FRS3: variants seen among roughly 807,000 people sequenced by gnomAD.
The protein encoded by FRS3 is FGFR substrate 3.
Under a neutral mutation model 41.9 loss-of-function variants are expected in FRS3, and 17 were observed. The observed-to-expected ratio is 0.41, with a 90% CI of 0.28 to 0.61. The LOEUF is 0.61. Ranked by LOEUF, FRS3 falls within the 20% of genes least tolerant of loss-of-function variation. The pLI is 0.36. For missense variants in FRS3, 619 were observed against 672.1 expected (o/e 0.92, Z 0.87); for synonymous variants, 287 against 274.5 (o/e 1.05, Z -0.45).
At chr6:41,779,474 T>C (rs1049312790) in intron 1 of FRS3, among the ~76,000 whole-genome samples, 7 of 151,854 alleles carry the variant, frequency 4.6e-5, no homozygotes, top group African/African-American at 1.7e-4. Context: ...GGTGGGTCCG[T>C]GGGCATAGCA....
At chr6:41,774,017 T>G (rs1772361897) in intron 4 of FRS3, among the ~76,000 whole-genome samples, 1 of 152,022 alleles carries the variant, frequency 6.6e-6, no homozygotes, top group Admixed American at 6.6e-5. Context: ...TGGTGCGATC[T>G]CAGCTCACTG....
Position 41,770,818 on chromosome 6 carries a change from C to A in FRS3, c.1280G>T (p.Gly427Val). 2.5e-6 allele frequency: 4 copies of A among 1,610,666 alleles called. No individual in the cohort carries two copies. Among genetic ancestry groups the A allele is most frequent in the Non-Finnish European group, 3.4e-6 (4 of 1,179,424 alleles). Residue 427 changes from glycine to valine, a missense_variant, in exon 7 of 7, where the codon GGA becomes GTA. Gly to Val is a moderately radical substitution (Grantham distance 109). Around this residue, in one of 3 missense-constraint regions of FRS3, gnomAD observed 487 missense variants for 478.3 expected, o/e 1.02. Coordinates refer to ENST00000373018, the MANE Select transcript of FRS3 (RefSeq NM_006653.5). ...GTTCTGGGGCCCCTTAGGGCGGTCT[C>A]CACCCCAGCCCTTTAGCTCCACCTG... ...YIQVELKGWG[G>V]DRPKGPQNPS...
rs565705519 is a variant in FRS3 at position 41,777,279 on chromosome 6, AG to A, written c.-23-270del. On this transcript the variant is annotated intron_variant, in intron 2 of 6. Coordinates refer to ENST00000373018, the MANE Select transcript of FRS3 (RefSeq NM_006653.5). ...GAGGTAACATTTGATCTGGACCTTG[AG>A]AAGTATGTAGGATTCTGACCCATGT... Among the ~76,000 whole-genome samples the A allele has an allele frequency of 2.1e-4, 32 of 152,360 alleles. No homozygotes were observed. In the South Asian group the frequency reaches 6.2e-3, roughly 30 times the overall value.
intron 1 of FRS3, among the ~76,000 whole-genome samples, chr6:41,779,218 CAGAT>C (rs1305262053): frequency 6.6e-6 from 1 of 151,922 alleles, no homozygotes; most frequent in Non-Finnish European, 1.5e-5. Context: ...CAGGATGTAT[CAGAT>C]AGCCCACTGA....
rs1347583745 is a variant in FRS3, at chr6:41,775,468, G to C, written c.204C>G (p.Asp68Glu). 28 of 1,613,510 alleles carry C rather than the reference G, an allele frequency of 1.7e-5. No homozygotes were observed. Among genetic ancestry groups the C allele is most frequent in the Non-Finnish European group, 2.0e-5 (24 of 1,180,010 alleles). ...PYLCLRRYGYDSNLFSFESGR... is the reference protein window; with the variant it reads ...PYLCLRRYGYESNLFSFESGR... Reference sequence around the variant, plus strand: ...CACTCTCAAAGGAGAAGAGGTTGGAGTCGTAGCCATAGCGCCGCAAGCAGA... The same window carrying C: ...CACTCTCAAAGGAGAAGAGGTTGGACTCGTAGCCATAGCGCCGCAAGCAGA... The change falls in exon 4 of 7, where the codon GAC (aspartate) becomes GAG (glutamate). Residue 68 changes from aspartate to glutamate, a missense_variant. Physicochemically the swap from Asp to Glu is conservative, Grantham distance 45. Around this residue, in one of 3 missense-constraint regions of FRS3, gnomAD observed 100 missense variants for 138.1 expected, o/e 0.72. Coordinates refer to ENST00000373018, the MANE Select transcript of FRS3 (RefSeq NM_006653.5).
chr6:41,773,716 CA>C (rs1429245962), intron 4 of FRS3, among the ~76,000 whole-genome samples: 1 of 150,924 alleles, frequency 6.6e-6, no homozygotes, highest in East Asian at 2.1e-4. Flanking sequence ...ACTAAAAATA[CA>C]AAAAATTAGC....
In FRS3 at chr6:41,775,513, C is replaced by T. The variant is rs771392796; in HGVS notation, c.159G>A (p.Glu53=). The part of the protein sequence containing the change: ...SELVLHLHRR[E]AVRWPYLCLR... ...AGCAGAGATAAGGCCAGCGGACGGC[C>T]TCACGCCGATGCAGGTGCAGCACCA... Residue 53 remains glutamate (E), a synonymous_variant, in exon 4 of 7, where the codon GAG becomes GAA. Transcript: ENST00000373018. 2.5e-6 allele frequency: 4 copies of T among 1,613,980 alleles called. No individual in the cohort carries two copies. Among genetic ancestry groups the T allele is most frequent in the East Asian group, 2.2e-5 (1 of 44,900 alleles).
Position 41,770,509 on chromosome 6 carries a change from G to T in FRS3, c.*110C>A, listed in dbSNP as rs45493499. 6.4e-3 allele frequency: 6,624 copies of T among 1,030,466 alleles called. 100 individuals carry two copies. Among genetic ancestry groups the T allele is most frequent in the African/African-American group, 0.05 (3,152 of 63,506 alleles). The allele number at this position is 1,030,466 out of a possible 1,614,324, so 63.8% of individuals were successfully genotyped here. A position where few individuals can be genotyped will look rare whatever the true frequency, so the allele number is the denominator to read the frequency against. The stretch of plus-strand genomic sequence containing the variant: ...GGGAAGCATCTGGTCCCACCTCCAT[G>T]CCTTCTGCAAAGCAACCCTGAACCC... On this transcript the variant is annotated 3_prime_UTR_variant, in exon 7 of 7. Coordinates refer to ENST00000373018, the MANE Select transcript of FRS3 (RefSeq NM_006653.5).
chr6:41,773,986 G>A (rs761160800), intron 4 of FRS3, among the ~76,000 whole-genome samples: 2 of 152,088 alleles, frequency 1.3e-5, no homozygotes, highest in East Asian at 1.9e-4. Flanking sequence ...GTCTCACCCT[G>A]TTGCCCAGGC....
intron 3 of FRS3, chr6:41,776,343 C>T (rs892245085): frequency 6.6e-6 from 1 of 152,658 alleles, no homozygotes; most frequent in Non-Finnish European, 1.5e-5. Flanking sequence ...CCCACTGCAA[C>T]CTCCACCTCC....
rs924561346 is a variant in FRS3, at chr6:41,773,933, A to G, written c.254-974T>C. ...CAAAAGCCAAGGTGGAAAGGATAGT[A>G]TTAGATGAGTGAACATTCTTCTTTT... On this transcript the variant is annotated intron_variant, in intron 4 of 6. Transcript: ENST00000373018. 6.8e-4 allele frequency among the ~76,000 whole-genome samples: 103 copies of G among 152,132 alleles called. 1 individual carries two copies. The highest frequency in any genetic ancestry group is 4.2e-4 in the South Asian group (2 of 4,810).
chr6:41,779,801 C>A lies in FRS3; in HGVS notation c.-168+15G>T. On this transcript the variant is annotated intron_variant, in intron 1 of 6. Transcript: ENST00000373018. ...TGAAGCCGCCTCGTCCCCGCCCCGC[C>A]GCGCCCCGACTCACATCGCCCCGCG... 6.8e-6 allele frequency: 1 copy of A among 146,520 alleles called. No homozygotes were observed. The highest frequency in any genetic ancestry group is 2.1e-4 in the South Asian group (1 of 4,864). The allele number at this position is 146,520 out of a possible 1,614,324, so 9.1% of individuals were successfully genotyped here.
chr6:41,770,571 A>T lies in FRS3; in HGVS notation c.*48T>A, dbSNP rs1046859323. ...GGTTCAGAGGACAGGAGTGTGAGGC[A>T]GAGGCTGGATCATGGTGGGGCAGAG... On this transcript the variant is annotated 3_prime_UTR_variant, in exon 7 of 7. Transcript: ENST00000373018. The T allele has an allele frequency of 6.3e-7, 1 of 1,583,850 alleles. No individual in the cohort carries two copies. The highest frequency in any genetic ancestry group is 1.3e-5 in the African/African-American group (1 of 74,318).
intron 3 of FRS3, 137 bp downstream of exon 3, chr6:41,776,785 T>TCAAGA (rs971265463): frequency 2.7e-6 from 2 of 750,338 alleles, no homozygotes; most frequent in African/African-American, 3.4e-5. Context: ...GGGTGTGAGC[T>TCAAGA]CAAGAAGTCT....
rs1022896488 is a variant in FRS3, at chr6:41,776,781, G to C, written c.66+141C>G. On this transcript the variant is annotated intron_variant, in intron 3 of 6. Transcript: ENST00000373018. ...TTCCTCAGGCTACTTGAGAGGGTGT[G>C]AGCTCAAGAAGTCTCCATAAGCCCA... 5 of 729,166 alleles carry C rather than the reference G, an allele frequency of 6.9e-6. No individual in the cohort carries two copies. The African/African-American group carries it at 8.7e-5, about 13-fold the overall frequency. 45.2% of individuals were successfully genotyped at this position (729,166 alleles called of 1,614,324 possible).
chr6:41,771,369 C>T lies in FRS3; in HGVS notation c.729G>A (p.Val243=), dbSNP rs1228021650. 2 of 1,613,540 alleles carry T rather than the reference C, an allele frequency of 1.2e-6. No individual in the cohort carries two copies. Among genetic ancestry groups the T allele is most frequent in the African/African-American group, 2.7e-5 (2 of 74,886 alleles). The change falls in exon 7 of 7, where the codon GTG becomes GTA. Residue 243 remains valine (V), a synonymous_variant. Transcript: ENST00000373018. ...VFLQPGQVKF[V]LGPTPARRHM... Reference sequence around the variant, plus strand: ...GCCGCCGAGCAGGGGTCGGGCCCAACACAAACTTCACCTGGCCTGGCTGCA... The same window carrying T: ...GCCGCCGAGCAGGGGTCGGGCCCAATACAAACTTCACCTGGCCTGGCTGCA...
At chr6:41,776,840 G>A (rs919651242) in intron 3 of FRS3, 82 bp downstream of exon 3, 1 of 1,122,194 alleles carries the variant, frequency 8.9e-7, no homozygotes, top group Non-Finnish European at 1.4e-6. Context: ...TGCTGTTAGA[G>A]AAGCTGAGGC....
At chr6:41,776,882 G>T (rs758072874) in intron 3 of FRS3, 40 bp downstream of exon 3, 1 of 1,497,456 alleles carries the variant, frequency 6.7e-7, no homozygotes, top group Non-Finnish European at 9.3e-7. Flanking sequence ...AGCCCAAGAG[G>T]CCATGTTGGG....
intron 3 of FRS3, among the ~76,000 whole-genome samples, chr6:41,776,075 C>A (rs1772404313): frequency 6.6e-6 from 1 of 152,130 alleles, no homozygotes; most frequent in Non-Finnish European, 1.5e-5. Context: ...TTACTGAGGG[C>A]TCCCTCTTCT....
Sources: gnomAD v4.1 joint callset for allele counts (sites outside exome capture counted in the v4.1 genomes callset) on GRCh38, gnomAD v4.1.1 for gene constraint, gnomAD v4.1.1 regional missense constraint, MANE v1.5 for transcripts, NCBI Gene and HGNC (gene_info 2026-07-23, HGNC 2026-07-21) for gene names.